Variants in ADCY9 observed in about 807,000 individuals in gnomAD.
ADCY9 encodes the protein adenylate cyclase 9.
Under a neutral mutation model 101.5 loss-of-function variants are expected in ADCY9, and 50 were observed. The ratio of observed to expected loss-of-function variants is 0.49; its 90% confidence interval spans 0.39 to 0.62. The LOEUF (loss-of-function observed/expected upper bound fraction) is 0.62. Among genes scored for constraint, ADCY9 ranks in the 20% least tolerant of loss-of-function variants. The pLI is 0.00. For missense variants in ADCY9, 1,662 were observed against 1,800.4 expected (o/e 0.92, Z 1.39); for synonymous variants, 905 against 769.3 (o/e 1.18, Z -2.92).
chr16:3,966,462 G>C lies in ADCY9; in HGVS notation c.3375C>G (p.Ala1125=). ...GCTCCTGCGGGTGGCTGCCGTCCTGGGCCTGCGCGGTGTTCAGCCCTGACG... is the reference window on the plus strand; with the variant it reads ...GCTCCTGCGGGTGGCTGCCGTCCTGCGCCTGCGCGGTGTTCAGCCCTGACG... ...MAASGLNTAQ[A]QDGSHPQEHL... The change falls in exon 11 of 11, where the codon GCC becomes GCG. Residue 1125 remains alanine, a synonymous_variant. Transcript: ENST00000294016. 1.9e-6 allele frequency: 3 copies of C among 1,614,102 alleles called. No individual in the cohort carries two copies. Among genetic ancestry groups the C allele is most frequent in the Non-Finnish European group, 2.5e-6 (3 of 1,180,040 alleles).
chr16:4,008,024 G>A (rs2056378849), intron 2 of ADCY9, among the ~76,000 whole-genome samples: 1 of 152,006 alleles, frequency 6.6e-6, no homozygotes, highest in African/African-American at 2.4e-5. Context: ...GTCAGAGGCT[G>A]CAAAACTACC....
intron 2 of ADCY9, among the ~76,000 whole-genome samples, chr16:4,059,305 T>C (rs2056759642): frequency 7.1e-6 from 1 of 140,516 alleles, no homozygotes; most frequent in East Asian, 2.1e-4. Context: ...TGCTAGAACC[T>C]GGAAGGCAGA....
intron 2 of ADCY9, among the ~76,000 whole-genome samples, chr16:4,109,869 T>C (rs189678733): frequency 3.5e-4 from 53 of 152,316 alleles, no homozygotes; most frequent in Middle Eastern, 6.8e-3. Context: ...AAGCCCCCTG[T>C]TGAGTGGTTC....
At chr16:3,957,008 G>A (rs965571016) in intron 5 of ADCY9, among the ~76,000 whole-genome samples, 1 of 152,204 alleles carries the variant, frequency 6.6e-6, no homozygotes, top group East Asian at 1.9e-4. Flanking sequence ...TGAAAAGAGC[G>A]ACGGAGGGAG....
intron 6 of ADCY9, among the ~76,000 whole-genome samples, chr16:3,984,333 C>T (rs1026395210): frequency 6.6e-6 from 1 of 152,276 alleles, no homozygotes; most frequent in African/African-American, 2.4e-5. Flanking sequence ...GGCACATCAT[C>T]GCCTGGGAAC....
chr16:4,084,907 C>T (rs1458168209), intron 2 of ADCY9, among the ~76,000 whole-genome samples: 1 of 152,132 alleles, frequency 6.6e-6, no homozygotes, highest in African/African-American at 2.4e-5. Context: ...ATACTCATAT[C>T]AACTTCAACT....
chr16:4,049,999 C>G (rs1438543129), intron 2 of ADCY9, among the ~76,000 whole-genome samples: 1 of 151,590 alleles, frequency 6.6e-6, no homozygotes, highest in Non-Finnish European at 1.5e-5. Flanking sequence ...CCACTATACT[C>G]CAGCCTGGGT....
chr16:3,989,381 GT>G (rs1344875174), intron 5 of ADCY9, among the ~76,000 whole-genome samples: 79 of 147,698 alleles, frequency 5.3e-4, no homozygotes, highest in South Asian at 1.3e-3. Context: ...GTTTTTTGGG[GT>G]TTTTTTTTTT....
intron 2 of ADCY9, among the ~76,000 whole-genome samples, chr16:4,049,200 C>A (rs762731057): frequency 2.0e-5 from 3 of 152,198 alleles, no homozygotes; most frequent in African/African-American, 7.2e-5. Flanking sequence ...CTGCTCCAAA[C>A]GGCCACGCAC....
chr16:4,046,502 A>G (rs910786357), intron 2 of ADCY9, among the ~76,000 whole-genome samples: 10 of 152,194 alleles, frequency 6.6e-5, no homozygotes, highest in African/African-American at 1.9e-4. Flanking sequence ...CCACTCATCC[A>G]GAGGAAATCG....
rs868382528 is a variant in ADCY9 at position 3,954,890 on chromosome 16, G to A, written c.568-1374C>T. Among the ~76,000 whole-genome samples, 185 of 152,322 alleles carry A rather than the reference G, an allele frequency of 1.2e-3. 1 individual carries two copies. Among genetic ancestry groups the A allele is most frequent in the African/African-American group, 4.4e-3 (181 of 41,572 alleles). Reference sequence around the variant, plus strand: ...TGTTAACTATCCCGAGGTAGAGGCTGAGGGGGACACGCCTACATGTCATGC... The same window carrying A: ...TGTTAACTATCCCGAGGTAGAGGCTAAGGGGGACACGCCTACATGTCATGC... On this transcript the variant is annotated intron_variant, in intron 5 of 5. Transcript: ENST00000576936.
At chr16:3,987,715 G>A (rs909484840) in intron 6 of ADCY9, among the ~76,000 whole-genome samples, 1 of 152,188 alleles carries the variant, frequency 6.6e-6, no homozygotes, top group Non-Finnish European at 1.5e-5. Context: ...GGGCTCACCA[G>A]GGTCTCTCTA....
At chr16:4,097,316 C>T (rs1007506202) in intron 2 of ADCY9, among the ~76,000 whole-genome samples, 1 of 151,534 alleles carries the variant, frequency 6.6e-6, no homozygotes, top group Admixed American at 6.6e-5. Flanking sequence ...TATCAAGACC[C>T]TCCGGAGCCT....
At chr16:3,981,323 T>A (rs1314530531) in intron 7 of ADCY9, among the ~76,000 whole-genome samples, 1 of 151,938 alleles carries the variant, frequency 6.6e-6, no homozygotes, top group East Asian at 1.9e-4. Flanking sequence ...AGCTAAAGGG[T>A]GAAAGTAAAA....
chr16:3,955,149 C>A (rs972007185), intron 5 of ADCY9, among the ~76,000 whole-genome samples: 1 of 151,988 alleles, frequency 6.6e-6, no homozygotes, highest in Non-Finnish European at 1.5e-5. Context: ...CATTTTGTCT[C>A]ATTTGAAATA....
chr16:4,069,302 AG>A (rs1251960817), intron 2 of ADCY9, among the ~76,000 whole-genome samples: 11 of 147,248 alleles, frequency 7.5e-5, no homozygotes, highest in African/African-American at 2.8e-4. Flanking sequence ...TATTATTATT[AG>A]GGGGATTGTA....
chr16:4,097,108 G>C (rs1304016022), intron 2 of ADCY9, among the ~76,000 whole-genome samples: 1 of 151,930 alleles, frequency 6.6e-6, no homozygotes, highest in African/African-American at 2.4e-5. Flanking sequence ...GCCAGAACTA[G>C]GCCGTTCAAC....
downstream of ADCY9, among the ~76,000 whole-genome samples, chr16:3,958,216 C>A (rs2055918174): frequency 6.6e-6 from 1 of 152,102 alleles, no homozygotes; most frequent in Non-Finnish European, 1.5e-5. Context: ...CCCGCCAGGA[C>A]CCCAAACACT....
At chr16:4,061,102 C>T (rs923050783) in intron 2 of ADCY9, among the ~76,000 whole-genome samples, 1 of 151,900 alleles carries the variant, frequency 6.6e-6, no homozygotes, top group Non-Finnish European at 1.5e-5. Flanking sequence ...ACTAGAGGGG[C>T]TCAACAACAG....
Sources: gnomAD v4.1 joint callset for allele counts (sites outside exome capture counted in the v4.1 genomes callset) on GRCh38, gnomAD v4.1.1 for gene constraint, MANE v1.5 for transcripts, NCBI Gene and HGNC (gene_info 2026-07-23, HGNC 2026-07-21) for gene names.